Variants in PLXDC2 observed in about 807,000 individuals in gnomAD.
PLXDC2 encodes the protein plexin domain-containing protein 2.
Under a neutral mutation model 68.9 loss-of-function variants are expected in PLXDC2, and 40 were observed. The ratio of observed to expected loss-of-function variants is 0.58; its 90% CI spans 0.45 to 0.76. The LOEUF is 0.76. PLXDC2 is among the 30% of genes least tolerant of loss of function. PLXDC2 has a pLI of 0.00. For missense variants in PLXDC2, 644 were observed against 661.9 expected (o/e 0.97, Z 0.30); for synonymous variants, 243 against 234.2 (o/e 1.04, Z -0.34).
At chr10:19,947,344 C>A (rs547488454) in intron 1 of PLXDC2, among the ~76,000 whole-genome samples, 1 of 152,266 alleles carries the variant, frequency 6.6e-6, no homozygotes, top group South Asian at 2.1e-4. Flanking sequence ...GGAAACACGC[C>A]ACTGTTGAGT....
At chr10:20,247,274 AC>A (rs1835609683) in intron 13 of PLXDC2, among the ~76,000 whole-genome samples, 1 of 149,774 alleles carries the variant, frequency 6.7e-6, no homozygotes, top group African/African-American at 2.5e-5. Context: ...AGCCTGGGCA[AC>A]ATGGTGAAAC....
At chr10:20,009,545 T>A (rs1444364014) in intron 2 of PLXDC2, among the ~76,000 whole-genome samples, 2 of 151,894 alleles carry the variant, frequency 1.3e-5, no homozygotes, top group East Asian at 3.9e-4. Context: ...AGGTGTCAGG[T>A]TGGCTTCCAC....
intron 6 of PLXDC2, among the ~76,000 whole-genome samples, chr10:20,151,123 C>T (rs191897933): frequency 6.6e-6 from 1 of 152,156 alleles, no homozygotes; most frequent in East Asian, 1.9e-4. Flanking sequence ...CTTTTTGCTT[C>T]CCAATAATTG....
intron 13 of PLXDC2, among the ~76,000 whole-genome samples, chr10:20,255,990 CTA>C (rs1169090774): frequency 1.3e-5 from 2 of 151,942 alleles, no homozygotes; most frequent in Non-Finnish European, 2.9e-5. Flanking sequence ...CAGAATTATT[CTA>C]TGTCTATACT....
intron 3 of PLXDC2, among the ~76,000 whole-genome samples, chr10:20,062,918 T>G (rs1192867128): frequency 2.6e-5 from 4 of 152,120 alleles, no homozygotes; most frequent in African/African-American, 7.2e-5. Context: ...ATTTTACAAC[T>G]CTTCCCAGAG....
intron 1 of PLXDC2, among the ~76,000 whole-genome samples, chr10:19,887,627 G>A (rs996712405): frequency 6.6e-6 from 1 of 152,164 alleles, no homozygotes; most frequent in African/African-American, 2.4e-5. Flanking sequence ...TAAATAAAAA[G>A]TGTGAGTGCA....
chr10:19,927,713 C>CAAAAAAAAAAAAAAAAAAAAAA (rs35250324), intron 1 of PLXDC2, among the ~76,000 whole-genome samples: 6 of 53,142 alleles, frequency 1.1e-4, no homozygotes, highest in Non-Finnish European at 1.6e-4. Context: ...GGAAAAAAAG[C>CAAAAAAAAAAAAAAAAAAAAAA]AAAAAAAAAA....
chr10:19,946,332 G>A (rs1306235182), intron 1 of PLXDC2, among the ~76,000 whole-genome samples: 2 of 152,014 alleles, frequency 1.3e-5, no homozygotes, highest in Non-Finnish European at 2.9e-5. Context: ...TCTGGCTTCA[G>A]CTTCCACTCT....
intron 1 of PLXDC2, among the ~76,000 whole-genome samples, chr10:19,972,363 C>G (rs1194481921): frequency 1.3e-5 from 2 of 152,108 alleles, no homozygotes; most frequent in African/African-American, 4.8e-5. Context: ...AAATACCCCA[C>G]GTTATCACTC....
rs1191613913 is a variant in PLXDC2, at chr10:20,230,693, C to CAAAAAAAAAAAAAAAAAAAAA, written c.1312+11592_1312+11612dup. On this transcript the variant is annotated intron_variant, in intron 12 of 13. Coordinates refer to ENST00000377252, the MANE Select transcript of PLXDC2 (RefSeq NM_032812.9). ...TGGGCTACAGAGTGAGACCTTGTCTCAAAAAAAAAAAAAAAAAAAAACAGG... is the reference window on the plus strand; with the variant it reads ...TGGGCTACAGAGTGAGACCTTGTCTCAAAAAAAAAAAAAAAAAAAAAAAAAAAAAAAAAAAAAAAAAACAGG... Among the ~76,000 whole-genome samples the CAAAAAAAAAAAAAAAAAAAAA allele has an allele frequency of 2.1e-4, 8 of 37,804 alleles. 2 individuals carry two copies. Among genetic ancestry groups the CAAAAAAAAAAAAAAAAAAAAA allele is most frequent in the Non-Finnish European group, 4.0e-4 (8 of 19,846 alleles). The allele number at this position is 37,804 out of a possible 152,430, so 24.8% of individuals were successfully genotyped here.
At chr10:20,094,146 G>A (rs762895445) in intron 4 of PLXDC2, among the ~76,000 whole-genome samples, 2 of 152,164 alleles carry the variant, frequency 1.3e-5, no homozygotes, top group African/African-American at 2.4e-5. Context: ...TAAATCTTTT[G>A]TAGATAAAGC....
Position 20,234,465 on chromosome 10 carries a change from A to G in PLXDC2, c.1313-10880A>G, listed in dbSNP as rs187644782. ...GCGTGATTCTGTCCATGTTAAAGGC[A>G]TTGTTTGAGCCATATTTTGCCAGTA... On this transcript the variant is annotated intron_variant, in intron 12 of 13. Transcript: ENST00000377252. 2.0e-5 allele frequency among the ~76,000 whole-genome samples: 3 copies of G among 152,280 alleles called. No homozygotes were observed. The East Asian group carries it at 5.8e-4, about 29-fold the overall frequency.
intron 3 of PLXDC2, among the ~76,000 whole-genome samples, chr10:20,066,322 C>G (rs550666254): frequency 6.6e-6 from 1 of 152,134 alleles, no homozygotes. Flanking sequence ...GGCTGAGAAA[C>G]TCATGTCATA....
Position 20,062,520 on chromosome 10 carries a change from A to G in PLXDC2, c.472-5650A>G, listed in dbSNP as rs1836125233. 2.0e-5 allele frequency among the ~76,000 whole-genome samples: 3 copies of G among 152,196 alleles called. No individual in the cohort carries two copies. The South Asian group carries it at 6.2e-4, about 31-fold the overall frequency. ...TACTAAGTACCAAAGCTGAAATGTA[A>G]TTTCAGGTCTCTGCAACTCCAAAAC... is the stretch of plus-strand genomic sequence containing the variant. On this transcript the variant is annotated intron_variant, in intron 3 of 13. Transcript: ENST00000377252.
In PLXDC2 at chr10:19,871,787, G is replaced by C. The variant is rs7075633; in HGVS notation, c.112+54596G>C. On this transcript the variant is annotated intron_variant, in intron 1 of 13. Coordinates refer to ENST00000377252, the MANE Select transcript of PLXDC2 (RefSeq NM_032812.9). ...TGTAATCCCAGCTACTCTGAAGGCT[G>C]AGGCAGGAGAATCACTTGAACCCGG... Among the ~76,000 whole-genome samples, 1,160 of 151,600 alleles carry C rather than the reference G, an allele frequency of 7.7e-3. 22 individuals are homozygous for C. Among genetic ancestry groups the C allele is most frequent in the African/African-American group, 0.026 (1,093 of 41,292 alleles).
rs1375446263 is a variant in PLXDC2, at chr10:20,146,471, C to CT, written c.665-1310dup. Among the ~76,000 whole-genome samples the CT allele has an allele frequency of 5.3e-4, 70 of 132,766 alleles. 1 individual carries two copies. Among genetic ancestry groups the CT allele is most frequent in the African/African-American group, 1.5e-3 (54 of 35,414 alleles). The allele number at this position is 132,766 out of a possible 152,430, so 87.1% of individuals were successfully genotyped here. A position where few individuals can be genotyped will look rare whatever the true frequency, so the allele number is the denominator to read the frequency against. ...CCTTTCTTCCTTCCTTCCTTCCTTTCTTTCTTTTCTTTTCTTTTTCCTTCC... is the reference window on the plus strand; with the variant it reads ...CCTTTCTTCCTTCCTTCCTTCCTTTCTTTTCTTTTCTTTTCTTTTTCCTTCC... On this transcript the variant is annotated intron_variant, in intron 5 of 13. Transcript: ENST00000377252.
chr10:19,927,973 C>T (rs1833566388), intron 1 of PLXDC2, among the ~76,000 whole-genome samples: 2 of 152,064 alleles, frequency 1.3e-5, no homozygotes, highest in African/African-American at 4.8e-5. Flanking sequence ...TCTGAGTCTC[C>T]AGGTCCATGA....
intron 4 of PLXDC2, among the ~76,000 whole-genome samples, chr10:20,142,969 T>C (rs1007040424): frequency 5.9e-5 from 9 of 152,044 alleles, no homozygotes; most frequent in African/African-American, 2.2e-4. Context: ...TAATAGCAAA[T>C]TGAATATTTG....
At chr10:19,876,249 A>G (rs960722708) in intron 1 of PLXDC2, among the ~76,000 whole-genome samples, 12 of 152,318 alleles carry the variant, frequency 7.9e-5, no homozygotes, top group African/African-American at 2.9e-4. Flanking sequence ...TATCTTTGAA[A>G]TTGATTTGAA....
Sources: gnomAD v4.1 joint callset for allele counts (sites outside exome capture counted in the v4.1 genomes callset) on GRCh38, gnomAD v4.1.1 for gene constraint, MANE v1.5 for transcripts, NCBI Gene and HGNC (gene_info 2026-07-23, HGNC 2026-07-21) for gene names.